The following ERGIC1 variants were observed in gnomAD, a reference collection of about 807,000 sequenced individuals.
ERGIC1 encodes endoplasmic reticulum-golgi intermediate compartment 1.
Under a neutral mutation model 38.3 loss-of-function variants are expected in ERGIC1, and 19 were observed. The observed-to-expected ratio is 0.50, with a 90% CI of 0.35 to 0.73. The LOEUF is 0.73. ERGIC1 is among the 30% of genes least tolerant of loss of function. The probability of loss-of-function intolerance (pLI) is 0.01; values close to 1 mark genes in which losing one functional copy is unlikely to be tolerated. For missense variants in ERGIC1, 294 were observed against 389.2 expected (o/e 0.76, Z 2.06); for synonymous variants, 124 against 157.6 (o/e 0.79, Z 1.60).
At chr5:172,928,966 T>C (rs1763718241) in intron 7 of ERGIC1, among the ~76,000 whole-genome samples, 1 of 152,182 alleles carries the variant, frequency 6.6e-6, no homozygotes, top group Non-Finnish European at 1.5e-5. Context: ...GTTCTCTTCA[T>C]TATCGTCAGC....
At chr5:172,950,670 G>T in intron 9 of ERGIC1, 39 bp from the exon 10 acceptor site, 2 of 1,583,624 alleles carry the variant, frequency 1.3e-6, no homozygotes, top group South Asian at 2.3e-5. Context: ...CTCCAGCACT[G>T]ACTTCTGACA....
At chr5:172,920,480 A>G in intron 5 of ERGIC1, 1 of 717,438 alleles carries the variant, frequency 1.4e-6, no homozygotes, top group East Asian at 2.7e-5. Context: ...GGAGGACAGG[A>G]TGGGGTGAGG....
intron 9 of ERGIC1, among the ~76,000 whole-genome samples, chr5:172,940,824 A>C: frequency 6.6e-6 from 1 of 152,168 alleles, no homozygotes; most frequent in East Asian, 1.9e-4. Flanking sequence ...CATGCTTTCT[A>C]ACCTGGGGAC....
chr5:172,905,952 C>A lies in ERGIC1; in HGVS notation c.156-3715C>A, dbSNP rs139049307. On this transcript the variant is annotated intron_variant, in intron 3 of 9. Coordinates refer to ENST00000393784, the MANE Select transcript of ERGIC1 (RefSeq NM_001031711.3). ...AGCCTAATTGGTATTTCAGTGAGCT[C>A]CCTTTACTACCTGATTGGTCAGGTG... 475 of 402,876 alleles carry A rather than the reference C, an allele frequency of 1.2e-3. 2 individuals carry two copies. Among genetic ancestry groups the A allele is most frequent in the African/African-American group, 9.0e-3 (435 of 48,094 alleles). The allele number at this position is 402,876 out of a possible 1,614,324, so 25.0% of individuals were successfully genotyped here. A position where few individuals can be genotyped will look rare whatever the true frequency, so the allele number is the denominator to read the frequency against.
At chr5:172,860,508 GC>G (rs909555334) in intron 1 of ERGIC1, among the ~76,000 whole-genome samples, 1 of 152,232 alleles carries the variant, frequency 6.6e-6, no homozygotes, top group Non-Finnish European at 1.5e-5. Flanking sequence ...TCCTGCATCT[GC>G]CCCCCTCACC....
intron 8 of ERGIC1, 145 bp downstream of exon 8, chr5:172,932,681 G>C: frequency 1.3e-6 from 1 of 750,222 alleles, no homozygotes; most frequent in Non-Finnish European, 2.2e-6. Flanking sequence ...GCCAGGCGCT[G>C]TCCCTGGGTA....
intron 3 of ERGIC1, among the ~76,000 whole-genome samples, chr5:172,908,772 C>T (rs1275232773): frequency 1.3e-5 from 2 of 152,202 alleles, no homozygotes; most frequent in Non-Finnish European, 2.9e-5. Context: ...TGGTTTAAGC[C>T]ATTCCCGTTG....
intron 3 of ERGIC1, among the ~76,000 whole-genome samples, chr5:172,900,361 C>T (rs940298101): frequency 1.2e-4 from 19 of 152,066 alleles, no homozygotes; most frequent in Non-Finnish European, 2.1e-4. Flanking sequence ...AGCGGCATCC[C>T]GGACGCTCTG....
At chr5:172,895,409 T>G (rs1762696656) in intron 2 of ERGIC1, among the ~76,000 whole-genome samples, 2 of 152,138 alleles carry the variant, frequency 1.3e-5, no homozygotes. Flanking sequence ...AGCGCAGTCC[T>G]TAGTGAGCTC....
At chr5:172,918,762 A>G (rs898472933) in intron 5 of ERGIC1, among the ~76,000 whole-genome samples, 6 of 152,216 alleles carry the variant, frequency 3.9e-5, no homozygotes, top group East Asian at 1.9e-4. Context: ...AGAGGTTCAC[A>G]GTGCCGGCAG....
intron 1 of ERGIC1, among the ~76,000 whole-genome samples, chr5:172,853,932 A>G (rs529090712): frequency 2.0e-5 from 3 of 152,208 alleles, no homozygotes; most frequent in East Asian, 1.9e-4. Flanking sequence ...GTTTGTTGCT[A>G]TTGTTCCACA....
At chr5:172,897,789 G>A (rs183909698) in intron 3 of ERGIC1, 33 of 413,782 alleles carry the variant, frequency 8.0e-5, no homozygotes, top group Middle Eastern at 6.3e-4. Context: ...CGAGGTTGCT[G>A]ACATCAGCGC....
At chr5:172,906,739 G>C (rs1418423986) in intron 3 of ERGIC1, among the ~76,000 whole-genome samples, 6 of 152,112 alleles carry the variant, frequency 3.9e-5, no homozygotes, top group Non-Finnish European at 8.8e-5. Context: ...GACCCAAGGG[G>C]CCTAATAAAT....
At chr5:172,865,644 C>G (rs984746966) in intron 1 of ERGIC1, among the ~76,000 whole-genome samples, 7 of 152,136 alleles carry the variant, frequency 4.6e-5, no homozygotes, top group African/African-American at 1.7e-4. Context: ...CACGGGGTGA[C>G]CTATCTCCTG....
At chr5:172,915,717 T>A (rs1466165228) in intron 5 of ERGIC1, 1 of 451,782 alleles carries the variant, frequency 2.2e-6, no homozygotes, top group Admixed American at 2.4e-5. Context: ...CCAGAGAGGT[T>A]AAGTGTCTTG....
chr5:172,866,679 G>A (rs145854121), intron 1 of ERGIC1, among the ~76,000 whole-genome samples: 54 of 152,304 alleles, frequency 3.5e-4, no homozygotes, highest in African/African-American at 1.3e-3. Context: ...TGAATTCCCC[G>A]AGGCCACAGC....
rs1581585620 is a variant in ERGIC1, at chr5:172,935,329, T to G, written c.765+19T>G. The G allele has an allele frequency of 6.2e-7, 1 of 1,613,846 alleles. No individual in the cohort carries two copies. On this transcript the variant is annotated intron_variant, in intron 9 of 9. Transcript: ENST00000393784. The stretch of plus-strand genomic sequence containing the variant: ...CACCACGGTGAGTGGCCTGGGGCAG[T>G]GGGTGGGGCCCTGAGCCAGCCACCC...
chr5:172,892,474 G>A (rs114737631), intron 2 of ERGIC1, among the ~76,000 whole-genome samples: 124 of 152,284 alleles, frequency 8.1e-4, no homozygotes, highest in African/African-American at 2.8e-3. Context: ...GTGACTGTGT[G>A]ACCTTGGACA....
At chr5:172,907,548 ACT>A (rs1330874422) in intron 3 of ERGIC1, among the ~76,000 whole-genome samples, 1 of 149,884 alleles carries the variant, frequency 6.7e-6, no homozygotes, top group African/African-American at 2.5e-5. Context: ...ACAGAGCAAG[ACT>A]CTGTCAAAAA....
Sources: allele counts gnomAD v4.1 joint callset (sites outside exome capture counted in the v4.1 genomes callset), GRCh38; gene constraint gnomAD v4.1.1; transcripts MANE v1.5; gene names NCBI Gene and HGNC (gene_info 2026-07-23, HGNC 2026-07-21).